The following ZMAT4 variants were observed in gnomAD, a reference collection of about 807,000 sequenced individuals.
ZMAT4 encodes the protein zinc finger matrin-type protein 4.
In ZMAT4, 17 loss-of-function variants were observed where a neutral mutation model predicts 28.7. The ratio of observed to expected loss-of-function variants is 0.59; its 90% CI spans 0.41 to 0.89. The LOEUF is 0.89. ZMAT4 is among the 40% of genes least tolerant of loss of function. The pLI, the probability that ZMAT4 is intolerant of heterozygous loss-of-function variation, is 0.00. For synonymous variants in ZMAT4, 117 were observed against 109.2 expected (o/e 1.07, Z -0.44); for missense variants, 240 against 283.8 (o/e 0.85, Z 1.11).
chr8:40,685,326 C>T (rs1809354685), intron 4 of ZMAT4, among the ~76,000 whole-genome samples: 2 of 152,278 alleles, frequency 1.3e-5, no homozygotes, highest in Admixed American at 1.3e-4. Context: ...TACACCACTG[C>T]TTCTCCAATT....
At chr8:40,578,601 CCT>C (rs199620774) in intron 6 of ZMAT4, among the ~76,000 whole-genome samples, 9 of 151,672 alleles carry the variant, frequency 5.9e-5, no homozygotes, top group African/African-American at 2.2e-4. Flanking sequence ...TTCTCTCTCT[CCT>C]CTCTCTCTCT....
At chr8:40,612,219 A>ACTGCAACCTCCGCCTGCCAGGTTCAAG (rs1343159518) in intron 5 of ZMAT4, among the ~76,000 whole-genome samples, 20 of 141,266 alleles carry the variant, frequency 1.4e-4, no homozygotes, top group South Asian at 2.2e-4. Context: ...ATGCTCATTC[A>ACTGCAACCTCCGCCTGCCAGGTTCAAG]TATCCTCTGT....
chr8:40,627,738 T>A (rs1806426842), intron 5 of ZMAT4, among the ~76,000 whole-genome samples: 2 of 152,330 alleles, frequency 1.3e-5, no homozygotes, highest in East Asian at 3.9e-4. Context: ...GAAGTATCTT[T>A]TTTTCTTACA....
intron 5 of ZMAT4, among the ~76,000 whole-genome samples, chr8:40,588,968 G>T (rs1563353408): frequency 6.6e-6 from 1 of 152,096 alleles, no homozygotes; most frequent in Non-Finnish European, 1.5e-5. Flanking sequence ...CACTAAAGCT[G>T]GAACTATTTT....
At chr8:40,873,184 C>A (rs1817923869) in intron 1 of ZMAT4, among the ~76,000 whole-genome samples, 1 of 152,196 alleles carries the variant, frequency 6.6e-6, no homozygotes, top group Admixed American at 6.5e-5. Context: ...TGATTGGCAA[C>A]CCAAGTCCCA....
At chr8:40,592,500 T>C (rs1253112692) in intron 5 of ZMAT4, among the ~76,000 whole-genome samples, 1 of 152,232 alleles carries the variant, frequency 6.6e-6, no homozygotes, top group Non-Finnish European at 1.5e-5. Context: ...ACACAATTTC[T>C]AAAACAATTA....
intron 2 of ZMAT4, among the ~76,000 whole-genome samples, chr8:40,815,675 G>C (rs181199411): frequency 6.6e-6 from 1 of 152,300 alleles, no homozygotes; most frequent in East Asian, 1.9e-4. Context: ...GGCCCCAAAA[G>C]GTAGGCACAA....
intron 5 of ZMAT4, among the ~76,000 whole-genome samples, chr8:40,636,131 A>G (rs1806782369): frequency 6.6e-6 from 1 of 152,246 alleles, no homozygotes; most frequent in African/African-American, 2.4e-5. Flanking sequence ...CATGCCTCTC[A>G]ATATTCAATT....
intron 2 of ZMAT4, among the ~76,000 whole-genome samples, chr8:40,798,499 C>A (rs1477999264): frequency 6.6e-6 from 1 of 152,168 alleles, no homozygotes; most frequent in Non-Finnish European, 1.5e-5. Flanking sequence ...CCAATAAATA[C>A]CTCTTACTCC....
intron 6 of ZMAT4, among the ~76,000 whole-genome samples, chr8:40,544,369 CACAGGTAAG>C (rs1336781418): frequency 6.6e-5 from 10 of 152,222 alleles, no homozygotes; most frequent in African/African-American, 2.2e-4. Context: ...GACATATAGC[CACAGGTAAG>C]ACTACATAAC....
intron 5 of ZMAT4, among the ~76,000 whole-genome samples, chr8:40,605,253 T>A (rs1012516177): frequency 6.6e-6 from 1 of 152,194 alleles, no homozygotes; most frequent in African/African-American, 2.4e-5. Flanking sequence ...TTTCTCTAGT[T>A]CCTTGAGGTG....
intron 2 of ZMAT4, among the ~76,000 whole-genome samples, chr8:40,812,977 A>T (rs1350427294): frequency 1.3e-5 from 2 of 149,682 alleles, no homozygotes; most frequent in African/African-American, 4.9e-5. Context: ...AATTAAATTA[A>T]ATTAAATTAA....
intron 6 of ZMAT4, among the ~76,000 whole-genome samples, chr8:40,540,909 C>A (rs1202360287): frequency 1.3e-5 from 2 of 152,194 alleles, no homozygotes; most frequent in Non-Finnish European, 2.9e-5. Context: ...CCAGGAATTT[C>A]TCTGCAGGGG....
intron 5 of ZMAT4, among the ~76,000 whole-genome samples, chr8:40,623,657 T>G (rs1003500017): frequency 6.6e-6 from 1 of 152,148 alleles, no homozygotes; most frequent in Non-Finnish European, 1.5e-5. Context: ...AATCAAACGT[T>G]CCAGCAACAA....
chr8:40,612,216 T>TGCAA lies in ZMAT4; in HGVS notation c.578-30956_578-30955insTTGC, dbSNP rs371491123. 3.4e-4 allele frequency among the ~76,000 whole-genome samples: 48 copies of TGCAA among 141,936 alleles called. 4 individuals carry two copies. The highest frequency in any genetic ancestry group is 6.2e-4 in the Non-Finnish European group (38 of 61,300). The allele number at this position is 141,936 out of a possible 152,430, so 93.1% of individuals were successfully genotyped here. A position where few individuals can be genotyped will look rare whatever the true frequency, so the allele number is the denominator to read the frequency against. On this transcript the variant is annotated intron_variant, in intron 5 of 6. Coordinates refer to ENST00000297737, the MANE Select transcript of ZMAT4 (RefSeq NM_024645.3). ...ATTATGAACACTCAATCAATGCTCA[T>TGCAA]TCATATCCTCTGTCTTCTTTCTCTT...
At chr8:40,810,704 G>T (rs570261479) in intron 2 of ZMAT4, among the ~76,000 whole-genome samples, 4 of 152,206 alleles carry the variant, frequency 2.6e-5, no homozygotes, top group Non-Finnish European at 5.9e-5. Flanking sequence ...TTACTAAATT[G>T]ATCACATAAA....
intron 2 of ZMAT4, among the ~76,000 whole-genome samples, chr8:40,817,962 C>A (rs185953207): frequency 6.6e-6 from 1 of 152,268 alleles, no homozygotes; most frequent in East Asian, 1.9e-4. Flanking sequence ...GAGTGCTAGC[C>A]AATGGGATAT....
chr8:40,629,662 T>C (rs186474277), intron 5 of ZMAT4, among the ~76,000 whole-genome samples: 8 of 150,954 alleles, frequency 5.3e-5, no homozygotes, highest in African/African-American at 1.7e-4. Flanking sequence ...CGGTGTTTGG[T>C]TTTTTGTCCT....
intron 1 of ZMAT4, among the ~76,000 whole-genome samples, chr8:40,850,853 C>T (rs375381497): frequency 6.6e-6 from 1 of 152,090 alleles, no homozygotes; most frequent in Non-Finnish European, 1.5e-5. Context: ...ATTCTCAGAA[C>T]GCTTTTATGC....
Sources: allele counts gnomAD v4.1 joint callset (sites outside exome capture counted in the v4.1 genomes callset), GRCh38; gene constraint gnomAD v4.1.1; transcripts MANE v1.5; gene names NCBI Gene and HGNC (gene_info 2026-07-23, HGNC 2026-07-21).